Variants in CYFIP2 observed in about 807,000 individuals in gnomAD.
CYFIP2 encodes the protein cytoplasmic FMR1 interacting protein 2, also known as cytoplasmic FMR1-interacting protein 2.
Under a neutral mutation model 158.7 loss-of-function variants are expected in CYFIP2, and 29 were observed. The observed-to-expected ratio is 0.18, with a 90% confidence interval of 0.14 to 0.25. The LOEUF (loss-of-function observed/expected upper bound fraction) is 0.25, where lower values mean the gene tolerates loss of function less well. Among genes scored for constraint, CYFIP2 ranks in the 10% least tolerant of loss-of-function variants. The pLI is 1.00. For synonymous variants in CYFIP2, 585 were observed against 617.6 expected (o/e 0.95, Z 0.78); for missense variants, 852 against 1,639.5 (o/e 0.52, Z 8.29).
chr5:157,320,532 A>G, intron 14 of CYFIP2, 123 bp from the exon 15 acceptor site: 1 of 1,293,718 alleles, frequency 7.7e-7, no homozygotes, highest in Non-Finnish European at 1.1e-6. Flanking sequence ...AGCATGCTTT[A>G]CAAGCACCCC....
rs974724182 is a variant in CYFIP2 at position 157,361,072 on chromosome 5, G to C, written c.2909-396G>C. 5.9e-5 allele frequency among the ~76,000 whole-genome samples: 9 copies of C among 152,178 alleles called. No individual in the cohort carries two copies. The highest frequency in any genetic ancestry group is 2.6e-4 in the Admixed American group (4 of 15,282). On this transcript the variant is annotated intron_variant, in intron 25 of 30. Coordinates refer to ENST00000620254, the MANE Select transcript of CYFIP2 (RefSeq NM_001037333.3). This position sits in a 1 kb window ranked among gnomAD's most constrained non-coding sequence, Gnocchi z 4.4. ...AAACCAGGGTAATAGTGCCTAGTTA[G>C]TGATATTGTATTAAATGAGATATTA...
At chr5:157,271,010 A>G (rs926866207) in intron 1 of CYFIP2, among the ~76,000 whole-genome samples, 7 of 152,256 alleles carry the variant, frequency 4.6e-5, no homozygotes, top group African/African-American at 1.4e-4. Flanking sequence ...TTTGTCGTGC[A>G]GTTAAAAACT....
At chr5:157,378,779 G>A (rs10515749) in intron 26 of CYFIP2, among the ~76,000 whole-genome samples, 30,530 of 152,116 alleles carry the variant, frequency 0.2, 3,288 homozygotes, top group African/African-American at 0.28. Flanking sequence ...TAGCTCATTC[G>A]TTAGTGCTCA....
chr5:157,393,091 A>G lies in CYFIP2; in HGVS notation c.*91A>G. On this transcript the variant is annotated 3_prime_UTR_variant, in exon 31 of 31. Transcript: ENST00000620254. ...GCCTGCCATAGGATCCAACTGGACA[A>G]CGTGTGGGATGGACCTGGAAACAAG... is the stretch of plus-strand genomic sequence containing the variant. 1 of 1,486,638 alleles carries G rather than the reference A, an allele frequency of 6.7e-7. No homozygotes were observed. Among genetic ancestry groups the G allele is most frequent in the Non-Finnish European group, 9.1e-7 (1 of 1,099,044 alleles). 92.1% of individuals were successfully genotyped at this position (1,486,638 alleles called of 1,614,324 possible).
At position 157,339,220 on chromosome 5, in the gene CYFIP2, T is replaced by C; in HGVS notation, c.2549T>C (p.Phe850Ser). Residue 850 changes from phenylalanine (F) to serine (S), a missense_variant, in exon 22 of 31, where the codon TTT (phenylalanine) becomes TCT (serine). Physicochemically the swap from Phe to Ser is radical, Grantham distance 155 (BLOSUM62 -2). Coordinates refer to ENST00000620254, the MANE Select transcript of CYFIP2 (RefSeq NM_001037333.3). ...LHVFWELNFD[F>S]LPNYCYNGST... ...GTCTTCTGGGAACTGAACTTTGACT[T>C]TCTCCCCAACTACTGCTACAATGGG... 6.2e-7 allele frequency: 1 copy of C among 1,614,030 alleles called. No individual in the cohort carries two copies. Among genetic ancestry groups the C allele is most frequent in the Non-Finnish European group, 8.5e-7 (1 of 1,179,914 alleles).
chr5:157,315,147 T>C (rs1348156140), intron 13 of CYFIP2, 53 bp downstream of exon 13: 46 of 1,606,716 alleles, frequency 2.9e-5, no homozygotes, highest in Admixed American at 1.5e-4. Flanking sequence ...CAGCTCATGG[T>C]GGTTCCTGAG....
rs1660734614 is a variant in CYFIP2 at position 157,330,797 on chromosome 5, C to T, written c.2212C>T (p.Pro738Ser). The T allele has an allele frequency of 5.0e-6, 8 of 1,613,960 alleles. No individual in the cohort carries two copies. The highest frequency in any genetic ancestry group is 1.7e-5 in the Admixed American group (1 of 60,020). ...GTGTAAGAATTATGGCGTCATCATT[C>T]CGTATCCACCGTCCAATCGCTATGA... The part of the protein sequence containing the change: ...AECKNYGVII[P>S]YPPSNRYETL... The change falls in exon 20 of 31, where the codon CCG becomes TCG. Residue 738 changes from proline to serine, a missense_variant. Physicochemically the swap from Pro to Ser is moderately conservative, Grantham distance 74 (BLOSUM62 -1). This residue lies in a region of CYFIP2 where 191 missense variants were observed against 311.2 expected (regional missense o/e 0.61). Coordinates refer to ENST00000620254, the MANE Select transcript of CYFIP2 (RefSeq NM_001037333.3).
intron 2 of CYFIP2, among the ~76,000 whole-genome samples, chr5:157,286,100 A>T (rs1006154901): frequency 1.3e-5 from 2 of 152,172 alleles, no homozygotes; most frequent in Non-Finnish European, 2.9e-5. Context: ...GCTACAGGAG[A>T]CTAAATATAA....
intron 20 of CYFIP2, 100 bp downstream of exon 20, chr5:157,330,950 C>T (rs1278698303): frequency 8.0e-6 from 7 of 874,550 alleles, no homozygotes; most frequent in African/African-American, 5.0e-5. Flanking sequence ...ATTGTCTGCC[C>T]GGCATGTTGC....
At chr5:157,321,264 A>G (rs961215917) in intron 15 of CYFIP2, among the ~76,000 whole-genome samples, 1 of 152,180 alleles carries the variant, frequency 6.6e-6, no homozygotes. Flanking sequence ...ATCTTGGGCA[A>G]GCACCTTGAG....
At chr5:157,369,962 A>G (rs967487319) in intron 26 of CYFIP2, among the ~76,000 whole-genome samples, 6 of 149,500 alleles carry the variant, frequency 4.0e-5, no homozygotes, top group Non-Finnish European at 7.4e-5. Flanking sequence ...GCTCACTGCA[A>G]CCTCCACTTC....
intron 26 of CYFIP2, among the ~76,000 whole-genome samples, chr5:157,362,037 C>CA (rs545893249): frequency 3.2e-4 from 48 of 152,318 alleles, no homozygotes; most frequent in African/African-American, 1.0e-3. Context: ...AGTTATAAGT[C>CA]ATTGTATGGA....
chr5:157,336,628 T>C (rs990251195), intron 21 of CYFIP2, among the ~76,000 whole-genome samples: 2 of 152,178 alleles, frequency 1.3e-5, no homozygotes, highest in East Asian at 3.9e-4. Context: ...AACAATCAGG[T>C]CTTCTTTCGT....
At chr5:157,321,859 C>T (rs924278573) in intron 15 of CYFIP2, among the ~76,000 whole-genome samples, 22 of 152,208 alleles carry the variant, frequency 1.4e-4, no homozygotes, top group Admixed American at 2.6e-4. Context: ...CCCAAGGAAG[C>T]GTCTGCAAAC....
At position 157,389,422 on chromosome 5, in the gene CYFIP2, A is replaced by G; in HGVS notation, c.3441A>G (p.Thr1147=). ...TCCCTGTGGGAACCAACGAGTTCACAGCTGAGTGAGTACCCCCCAGAGAAG... is the reference window on the plus strand; with the variant it reads ...TCCCTGTGGGAACCAACGAGTTCACGGCTGAGTGAGTACCCCCCAGAGAAG... The part of the protein sequence containing the change: ...YCIPVGTNEF[T]AEQCFGDGLN... The change falls in exon 29 of 31, where the codon ACA becomes ACG. Residue 1147 remains threonine, a synonymous_variant. Transcript: ENST00000620254. The G allele has an allele frequency of 6.3e-7, 1 of 1,586,488 alleles. No homozygotes were observed. The highest frequency in any genetic ancestry group is 8.6e-7 in the Non-Finnish European group (1 of 1,161,428).
Position 157,266,877 on chromosome 5 carries a change from G to A in CYFIP2, c.-24+682G>A, listed in dbSNP as rs1161163103. ...AGTGGGCTGACTCCTGGGGGAAAAG[G>A]TGGTTTTTTTCTTGAGCTCTGAAGA... On this transcript the variant is annotated intron_variant, in intron 1 of 30. Coordinates refer to ENST00000620254, the MANE Select transcript of CYFIP2 (RefSeq NM_001037333.3). The surrounding 1 kb of genome is among the most constrained non-coding windows in gnomAD (Gnocchi z 4.2). The A allele has an allele frequency of 6.5e-6, 1 of 152,796 alleles. No homozygotes were observed. Among genetic ancestry groups the A allele is most frequent in the Admixed American group, 6.5e-5 (1 of 15,292 alleles). The allele number at this position is 152,796 out of a possible 1,614,324, so 9.5% of individuals were successfully genotyped here.
chr5:157,394,903 C>G lies in CYFIP2; in HGVS notation c.*1903C>G, dbSNP rs1767623303. The stretch of plus-strand genomic sequence containing the variant: ...TATCCCAGATGGCAGAACATGCTTT[C>G]AAAACATATAAAATGTCAAAGTTCC... On this transcript the variant is annotated 3_prime_UTR_variant, in exon 31 of 31. Transcript: ENST00000620254. 6.6e-6 allele frequency: 1 copy of G among 152,390 alleles called. No homozygotes were observed. The highest frequency in any genetic ancestry group is 2.4e-5 in the African/African-American group (1 of 41,460). 9.4% of individuals were successfully genotyped at this position (152,390 alleles called of 1,614,324 possible). A position where few individuals can be genotyped will look rare whatever the true frequency, so the allele number is the denominator to read the frequency against.
At chr5:157,377,628 G>A (rs1765614308) in intron 26 of CYFIP2, among the ~76,000 whole-genome samples, 2 of 152,174 alleles carry the variant, frequency 1.3e-5, no homozygotes, top group Admixed American at 1.3e-4. Flanking sequence ...CTTGCAGAAA[G>A]CCTTGTGCCT....
intron 26 of CYFIP2, among the ~76,000 whole-genome samples, chr5:157,366,888 T>C (rs1354119161): frequency 6.6e-6 from 1 of 152,194 alleles, no homozygotes; most frequent in African/African-American, 2.4e-5. Flanking sequence ...CTTTCGGCCA[T>C]TGTTTGTTAT....
Sources: gnomAD v4.1 joint callset for allele counts (sites outside exome capture counted in the v4.1 genomes callset) on GRCh38, gnomAD v4.1.1 for gene constraint, gnomAD v4.1.1 regional missense constraint, Gnocchi (gnomAD v3.1) non-coding constraint, MANE v1.5 for transcripts, NCBI Gene and HGNC (gene_info 2026-07-23, HGNC 2026-07-21) for gene names.